The following GCNT2 variants were observed in gnomAD, a reference collection of about 807,000 sequenced individuals.
The protein encoded by GCNT2 is glucosaminyl (N-acetyl) transferase 2 (I blood group).
Under a neutral mutation model 34.2 loss-of-function variants are expected in GCNT2, and 34 were observed. That is an observed-to-expected ratio of 1.00 (90% CI 0.76 to 1.32). The LOEUF (loss-of-function observed/expected upper bound fraction) is 1.32. GCNT2 is among the 40% of genes most tolerant of loss of function. The probability of loss-of-function intolerance (pLI) is 0.00; values close to 1 mark genes in which losing one functional copy is unlikely to be tolerated. For synonymous variants in GCNT2, 212 were observed against 188.0 expected (o/e 1.13, Z -1.04); for missense variants, 584 against 489.4 (o/e 1.19, Z -1.82).
At chr6:10,583,340 G>A (rs1289081064) in intron 3 of GCNT2, among the ~76,000 whole-genome samples, 1 of 152,130 alleles carries the variant, frequency 6.6e-6, no homozygotes, top group African/African-American at 2.4e-5. Flanking sequence ...TTTCCTAACA[G>A]GAGCAGCTGT....
chr6:10,580,069 G>C (rs1056309084), intron 3 of GCNT2, among the ~76,000 whole-genome samples: 1 of 152,174 alleles, frequency 6.6e-6, no homozygotes, highest in African/African-American at 2.4e-5. Flanking sequence ...AACAGGCTAA[G>C]CCTCAGAGGG....
intron 3 of GCNT2, among the ~76,000 whole-genome samples, chr6:10,620,315 C>T (rs1364700840): frequency 6.6e-6 from 1 of 152,186 alleles, no homozygotes; most frequent in Non-Finnish European, 1.5e-5. Context: ...GATTGCATTA[C>T]TCACTGGTGG....
intron 3 of GCNT2, among the ~76,000 whole-genome samples, chr6:10,562,817 G>T (rs925931703): frequency 6.6e-6 from 1 of 152,066 alleles, no homozygotes; most frequent in African/African-American, 2.4e-5. Flanking sequence ...GGCTGCTCAG[G>T]GTGACGCTGG....
At chr6:10,569,271 A>ACACACACACACACACC (rs1561806901) in intron 3 of GCNT2, among the ~76,000 whole-genome samples, 5 of 142,356 alleles carry the variant, frequency 3.5e-5, no homozygotes, top group African/African-American at 1.3e-4. Context: ...ACACACACAC[A>ACACACACACACACACC]CACCCCCTAG....
Position 10,533,800 on chromosome 6 carries a change from CAAAAAAAA to C in GCNT2, c.925+3983_925+3990del, listed in dbSNP as rs869274003. On this transcript the variant is annotated intron_variant, in intron 3 of 4. Transcript: ENST00000495262. ...TGGGTGACAGAGCAAGACTCTGTCT[CAAAAAAAA>C]AAAAAAAAAAAAAAAAAAGAATGTA... is the stretch of plus-strand genomic sequence containing the variant. Among the ~76,000 whole-genome samples the C allele has an allele frequency of 4.6e-3, 201 of 43,370 alleles. 1 individual carries two copies. The highest frequency in any genetic ancestry group is 0.018 in the African/African-American group (182 of 10,358). 28.5% of individuals were successfully genotyped at this position (43,370 alleles called of 152,430 possible). A position where few individuals can be genotyped will look rare whatever the true frequency, so the allele number is the denominator to read the frequency against.
chr6:10,610,645 T>G (rs531751847), intron 3 of GCNT2, among the ~76,000 whole-genome samples: 1 of 152,284 alleles, frequency 6.6e-6, no homozygotes, highest in Admixed American at 6.5e-5. Context: ...CTAGATACAT[T>G]AAGCTGAAAA....
intron 3 of GCNT2, among the ~76,000 whole-genome samples, chr6:10,600,989 G>A (rs1765067197): frequency 1.3e-5 from 2 of 151,810 alleles, no homozygotes; most frequent in Admixed American, 6.6e-5. Flanking sequence ...ATGGGGTTTC[G>A]CCATTTTGCC....
intron 1 of GCNT2, among the ~76,000 whole-genome samples, chr6:10,523,143 G>A (rs537314392): frequency 2.8e-4 from 42 of 152,236 alleles, no homozygotes; most frequent in Non-Finnish European, 5.4e-4. Flanking sequence ...CTTTCAGCCA[G>A]GCGCGGTGTG....
At chr6:10,522,712 A>AT in intron 1 of GCNT2, among the ~76,000 whole-genome samples, 1 of 152,268 alleles carries the variant, frequency 6.6e-6, no homozygotes, top group East Asian at 1.9e-4. Context: ...TATGGCAGTA[A>AT]TTTTTGGTTC....
At position 10,579,153 on chromosome 6, in the gene GCNT2, C is replaced by G. The variant is rs977685407; in HGVS notation, c.926-42198C>G. 2.0e-5 allele frequency among the ~76,000 whole-genome samples: 3 copies of G among 152,154 alleles called. No homozygotes were observed. The South Asian group carries it at 6.2e-4, about 31-fold the overall frequency. On this transcript the variant is annotated intron_variant, in intron 3 of 4. Transcript: ENST00000495262. Reference sequence around the variant, plus strand: ...TGTCATGTACTCTGCCTGCTTTTCTCTTTGGTTATTTACCTTTTCTTATTA... The same window carrying G: ...TGTCATGTACTCTGCCTGCTTTTCTGTTTGGTTATTTACCTTTTCTTATTA...
chr6:10,532,745 C>T (rs562648623), intron 3 of GCNT2, among the ~76,000 whole-genome samples: 1 of 152,174 alleles, frequency 6.6e-6, no homozygotes. Flanking sequence ...CCACATCGGG[C>T]AAGCCCTGCC....
chr6:10,590,036 C>CT (rs1271135549), intron 3 of GCNT2, among the ~76,000 whole-genome samples: 2 of 152,180 alleles, frequency 1.3e-5, no homozygotes, highest in Non-Finnish European at 2.9e-5. Flanking sequence ...GTGCAGAACT[C>CT]TTGCTGATAG....
At position 10,629,197 on chromosome 6, in the gene GCNT2, T is replaced by A. The variant is rs1486855666; in HGVS notation, c.*2590T>A. On this transcript the variant is annotated 3_prime_UTR_variant, in exon 5 of 5. Coordinates refer to ENST00000495262, the MANE Select transcript of GCNT2 (RefSeq NM_145649.5). ...GGAATTGATGTTTACATGTCTGTTG[T>A]TGGTCATCTCTCCTGTGTCTTAAAT... 2 of 152,672 alleles carry A rather than the reference T, an allele frequency of 1.3e-5. No homozygotes were observed. The highest frequency in any genetic ancestry group is 2.9e-5 in the Non-Finnish European group (2 of 68,044). The allele number at this position is 152,672 out of a possible 1,614,324, so 9.5% of individuals were successfully genotyped here. A position where few individuals can be genotyped will look rare whatever the true frequency, so the allele number is the denominator to read the frequency against.
At chr6:10,621,621 C>A (rs1766041393) in intron 4 of GCNT2, 178 bp downstream of exon 4, 1 of 638,806 alleles carries the variant, frequency 1.6e-6, no homozygotes, top group Admixed American at 2.2e-5. Flanking sequence ...TTAAACATCT[C>A]ATTGATGTTC....
chr6:10,585,755 G>A, intron 3 of GCNT2: 1 of 1,409,542 alleles, frequency 7.1e-7, no homozygotes. Flanking sequence ...CAACCCTGGG[G>A]AACTGCAGAC....
chr6:10,576,545 AG>A (rs1350814670), intron 3 of GCNT2, among the ~76,000 whole-genome samples: 2 of 152,196 alleles, frequency 1.3e-5, no homozygotes, highest in Non-Finnish European at 2.9e-5. Flanking sequence ...AATCTATTCA[AG>A]GAGGCTGGAA....
chr6:10,523,407 CAA>C (rs1761020611), intron 1 of GCNT2, among the ~76,000 whole-genome samples: 1 of 135,172 alleles, frequency 7.4e-6, no homozygotes, highest in East Asian at 2.3e-4. Context: ...GACGGGGCAA[CAA>C]GAGCGAAACT....
chr6:10,588,462 C>T (rs144459936), intron 3 of GCNT2, among the ~76,000 whole-genome samples: 11 of 152,270 alleles, frequency 7.2e-5, no homozygotes, highest in Admixed American at 3.9e-4. Context: ...AGTATGTTCA[C>T]GTTGTTCACA....
At chr6:10,625,510 A>T (rs1052627197) in intron 4 of GCNT2, among the ~76,000 whole-genome samples, 7 of 149,866 alleles carry the variant, frequency 4.7e-5, no homozygotes, top group Non-Finnish European at 8.9e-5. Context: ...CCCAAAAGCT[A>T]TTGAGGTTAA....
Sources: allele counts gnomAD v4.1 joint callset (sites outside exome capture counted in the v4.1 genomes callset), GRCh38; gene constraint gnomAD v4.1.1; transcripts MANE v1.5; gene names NCBI Gene and HGNC (gene_info 2026-07-23, HGNC 2026-07-21).